LAMB3: variants seen among roughly 807,000 people sequenced by gnomAD.
LAMB3 encodes laminin subunit beta 3.
A neutral mutation model predicts 140.3 loss-of-function variants in LAMB3; 104 were observed. The observed-to-expected ratio is 0.74, with a 90% confidence interval of 0.63 to 0.87. The LOEUF (loss-of-function observed/expected upper bound fraction) is 0.87, where lower values mean the gene tolerates loss of function less well. Ranked by LOEUF, LAMB3 falls within the 40% of genes least tolerant of loss-of-function variation. The pLI is 0.00. For missense variants in LAMB3, 1,531 were observed against 1,575.2 expected, an observed-to-expected ratio of 0.97 and a Z score of 0.47; for synonymous variants, 592 against 602.9, an observed-to-expected ratio of 0.98 and a Z score of 0.26.
At position 209,623,123 on chromosome 1, in the gene LAMB3, T is replaced by C. The variant is rs1666269175; in HGVS notation, c.2415A>G (p.Leu805=). ...AGGCTGTGCCATTGTCTTGGGGACA[T>C]AGCTCACCAGGGCATGATATTGGGG... ...ACTPISCPGE[L]CPQDNGTACG... The change falls in exon 17 of 23, where the codon CTA becomes CTG. Residue 805 remains leucine, a synonymous_variant. Transcript: ENST00000356082. The surrounding 1 kb of genome is among the most constrained non-coding windows in gnomAD (Gnocchi z 4.2). The C allele has an allele frequency of 1.9e-6, 3 of 1,614,162 alleles. No homozygotes were observed. Among genetic ancestry groups the C allele is most frequent in the South Asian group, 1.1e-5 (1 of 91,088 alleles).
At position 209,618,028 on chromosome 1, in the gene LAMB3, TCCA is replaced by T; in HGVS notation, c.2927_2929del (p.Val976del). ...CCCAACCACATCTTCCACCTGGCCC[TCCA>T]CTGCATGGGCTCGGCTCCTGGGTGA... On this transcript the variant is annotated inframe_deletion, in exon 20 of 23. Transcript: ENST00000356082. 2 of 1,614,084 alleles carry T rather than the reference TCCA, an allele frequency of 1.2e-6. No individual in the cohort carries two copies. The highest frequency in any genetic ancestry group is 1.7e-6 in the Non-Finnish European group (2 of 1,180,016).
At chr1:209,620,776 G>A (rs1009829637) in intron 18 of LAMB3, among the ~76,000 whole-genome samples, 1 of 152,242 alleles carries the variant, frequency 6.6e-6, no homozygotes, top group African/African-American at 2.4e-5. Context: ...CCTGGACTCA[G>A]TTAGAACTTA....
Position 209,623,101 on chromosome 1 carries a change from C to G in LAMB3, c.2437G>C (p.Ala813Pro), listed in dbSNP as rs745946333. Residue 813 changes from alanine to proline, a missense_variant, in exon 17 of 23, where the codon GCC becomes CCC. Transcript: ENST00000356082. The surrounding 1 kb of genome is among the most constrained non-coding windows in gnomAD (Gnocchi z 4.2). ...ACACCCCTGCAGCGGGAGCCACAGG[C>G]TGTGCCATTGTCTTGGGGACATAGC... The part of the protein sequence containing the change: ...GELCPQDNGT[A>P]CGSRCRGVLP... 9.9e-6 allele frequency: 16 copies of G among 1,614,126 alleles called. No homozygotes were observed. Among genetic ancestry groups the G allele is most frequent in the Non-Finnish European group, 5.1e-6 (6 of 1,180,056 alleles).
At chr1:209,622,718 C>G in intron 17 of LAMB3, 38 bp from the exon 18 acceptor site, 5 of 1,613,326 alleles carry the variant, frequency 3.1e-6, no homozygotes, top group Non-Finnish European at 3.4e-6. Flanking sequence ...GGGTAAGGCC[C>G]CAAGGGAACC....
rs41274828 is a variant in LAMB3 at position 209,617,362 on chromosome 1, C to T, written c.3228+48G>A. 31 of 1,580,430 alleles carry T rather than the reference C, an allele frequency of 2.0e-5. No homozygotes were observed. The Admixed American group carries it at 3.5e-4, about 18-fold the overall frequency. ...GTGCAAAGTCCTCCTCTGCTCAGGA[C>T]CCCCTCACTGGCCGTACATCATTGA... On this transcript the variant is annotated intron_variant, in intron 21 of 22. Coordinates refer to ENST00000356082, the MANE Select transcript of LAMB3 (RefSeq NM_000228.3).
intron 4 of LAMB3, among the ~76,000 whole-genome samples, 177 bp downstream of exon 4, chr1:209,638,357 C>T (rs1166216614): frequency 1.3e-5 from 2 of 152,276 alleles, no homozygotes; most frequent in African/African-American, 4.8e-5. Context: ...ATAAATTCTT[C>T]TACCATAACA....
intron 10 of LAMB3, 103 bp from the exon 11 acceptor site, chr1:209,628,293 G>A (rs1299791180): frequency 7.6e-7 from 1 of 1,322,938 alleles, no homozygotes; most frequent in Non-Finnish European, 1.1e-6. Flanking sequence ...TTCCACCACT[G>A]GATTTCAAAT....
Position 209,623,124 on chromosome 1 carries a change from A to G in LAMB3, c.2414T>C (p.Leu805Pro), listed in dbSNP as rs761423349. The change falls in exon 17 of 23, where the codon CTA becomes CCA. Residue 805 changes from leucine (L) to proline (P), a missense_variant. Transcript: ENST00000356082. This position sits in a 1 kb window ranked among gnomAD's most constrained non-coding sequence, Gnocchi z 4.2. ...GGCTGTGCCATTGTCTTGGGGACATAGCTCACCAGGGCATGATATTGGGGT... is the reference window on the plus strand; with the variant it reads ...GGCTGTGCCATTGTCTTGGGGACATGGCTCACCAGGGCATGATATTGGGGT... ...ACTPISCPGE[L>P]CPQDNGTACG... 1 of 1,614,228 alleles carries G rather than the reference A, an allele frequency of 6.2e-7. No individual in the cohort carries two copies. The highest frequency in any genetic ancestry group is 8.5e-7 in the Non-Finnish European group (1 of 1,180,044).
chr1:209,633,203 T>G, intron 6 of LAMB3, 70 bp from the exon 7 acceptor site: 1 of 1,122,512 alleles, frequency 8.9e-7, no homozygotes, highest in Non-Finnish European at 1.4e-6. Flanking sequence ...AGAAGAAACC[T>G]TTCTTTCCAT....
chr1:209,647,056 C>A (rs2076524655), intron 3 of LAMB3, among the ~76,000 whole-genome samples: 1 of 152,232 alleles, frequency 6.6e-6, no homozygotes, highest in Non-Finnish European at 1.5e-5. Context: ...CTTGTCCCAA[C>A]CACAGACAGT....
At chr1:209,645,882 A>G (rs2076513329) in intron 3 of LAMB3, among the ~76,000 whole-genome samples, 1 of 152,240 alleles carries the variant, frequency 6.6e-6, no homozygotes, top group African/African-American at 2.4e-5. Flanking sequence ...AAAGAAAGGC[A>G]GTGGTCGTTG....
chr1:209,648,739 A>G (rs530098396), intron 3 of LAMB3, among the ~76,000 whole-genome samples: 236 of 152,250 alleles, frequency 1.6e-3, no homozygotes, highest in Admixed American at 2.5e-3. Context: ...CCCAAAATGC[A>G]AGTCAGCCTG....
chr1:209,622,843 C>T (rs1429145737), intron 17 of LAMB3, 139 bp downstream of exon 17: 7 of 1,350,262 alleles, frequency 5.2e-6, no homozygotes, highest in Non-Finnish European at 6.3e-6. Context: ...AAAAAACTAT[C>T]TTGCACTTGC....
intron 3 of LAMB3, among the ~76,000 whole-genome samples, chr1:209,641,839 G>C (rs896536339): frequency 6.6e-6 from 1 of 152,200 alleles, no homozygotes; most frequent in Non-Finnish European, 1.5e-5. Context: ...GTCCCTGGCA[G>C]TGAGCATGCC....
chr1:209,629,950 G>A (rs771075582), intron 9 of LAMB3, 25 bp from the exon 10 acceptor site: 1 of 1,608,696 alleles, frequency 6.2e-7, no homozygotes, highest in Non-Finnish European at 8.5e-7. Context: ...TCCCAGGGCT[G>A]ACATCTGACC....
intron 17 of LAMB3, 92 bp from the exon 18 acceptor site, chr1:209,622,772 A>T (rs1666251345): frequency 6.5e-7 from 1 of 1,546,630 alleles, no homozygotes; most frequent in African/African-American, 1.4e-5. Context: ...CTATGCCAAG[A>T]CCTACCTAGG....
intron 3 of LAMB3, among the ~76,000 whole-genome samples, chr1:209,643,774 G>A (rs932014569): frequency 1.3e-5 from 2 of 150,338 alleles, no homozygotes; most frequent in Admixed American, 1.3e-4. Flanking sequence ...AAGAAGCTAC[G>A]ATCGGGTCAT....
In LAMB3 at chr1:209,623,182, G is replaced by A. The variant is rs1040089458; in HGVS notation, c.2359-3C>T. 2.8e-5 allele frequency: 46 copies of A among 1,614,074 alleles called. No individual in the cohort carries two copies. Among genetic ancestry groups the A allele is most frequent in the Non-Finnish European group, 3.8e-5 (45 of 1,180,010 alleles). On this transcript the variant is annotated splice_polypyrimidine_tract_variant and splice_region_variant and intron_variant, in intron 16 of 22. Transcript: ENST00000356082. The surrounding 1 kb of genome is among the most constrained non-coding windows in gnomAD (Gnocchi z 4.2). ...ATCTGCCTGGAGTTGCCACAGAGCT[G>A]TGGACAGATGGCGGTGTTAAAGAGG... is the stretch of plus-strand genomic sequence containing the variant.
In LAMB3 at chr1:209,623,075, G is replaced by A; in HGVS notation, c.2463C>T (p.Val821=). The A allele has an allele frequency of 6.2e-7, 1 of 1,614,198 alleles. No homozygotes were observed. Among genetic ancestry groups the A allele is most frequent in the Non-Finnish European group, 8.5e-7 (1 of 1,180,038 alleles). Residue 821 remains valine (V), a synonymous_variant, in exon 17 of 23, where the codon GTC becomes GTT. Coordinates refer to ENST00000356082, the MANE Select transcript of LAMB3 (RefSeq NM_000228.3). The surrounding 1 kb of genome is among the most constrained non-coding windows in gnomAD (Gnocchi z 4.2). ...GTACGSRCRG[V]LPRAGGAFLM... is the part of the protein sequence containing the mutation. ...AGAAGGCCCCACCGGCCCTGGGAAG[G>A]ACACCCCTGCAGCGGGAGCCACAGG...
Sources: allele counts gnomAD v4.1 joint callset (sites outside exome capture counted in the v4.1 genomes callset), GRCh38; gene constraint gnomAD v4.1.1; non-coding constraint Gnocchi (gnomAD v3.1); transcripts MANE v1.5; gene names NCBI Gene and HGNC (gene_info 2026-07-23, HGNC 2026-07-21).